The following SETD2 variants were observed in gnomAD, a reference collection of about 807,000 sequenced individuals.
The protein encoded by SETD2 is histone-lysine N-methyltransferase SETD2.
A neutral mutation model predicts 242.1 loss-of-function variants in SETD2; 31 were observed. That is an observed-to-expected ratio of 0.13 (90% confidence interval 0.10 to 0.17). The LOEUF is 0.17. SETD2 is among the 10% of genes least tolerant of loss of function. The pLI is 1.00. For missense variants in SETD2, 2,481 were observed against 3,046.3 expected (o/e 0.81, Z 4.37); for synonymous variants, 1,006 against 1,066.5 (o/e 0.94, Z 1.11).
chr3:47,066,118 C>T (rs1226808472), intron 13 of SETD2, among the ~76,000 whole-genome samples: 1 of 152,132 alleles, frequency 6.6e-6, no homozygotes, highest in East Asian at 1.9e-4. Flanking sequence ...AGGATGAAGA[C>T]CTCTATGATG....
intron 1 of SETD2, among the ~76,000 whole-genome samples, chr3:47,162,923 G>A (rs1697540653): frequency 6.6e-6 from 1 of 152,196 alleles, no homozygotes; most frequent in Admixed American, 6.5e-5. Context: ...GTCCTAGACT[G>A]AAAAATTACT....
chr3:47,094,073 TAAG>T (rs1189749812), intron 9 of SETD2, among the ~76,000 whole-genome samples: 1 of 152,108 alleles, frequency 6.6e-6, no homozygotes, highest in Non-Finnish European at 1.5e-5. Context: ...AGTTGAAAGT[TAAG>T]TATTTCTTCT....
intron 17 of SETD2, among the ~76,000 whole-genome samples, chr3:47,040,383 T>G (rs2039224670): frequency 6.6e-6 from 1 of 152,024 alleles, no homozygotes; most frequent in Non-Finnish European, 1.5e-5. Context: ...GAAACAAAAC[T>G]CTTGATAAAG....
intron 7 of SETD2, among the ~76,000 whole-genome samples, chr3:47,102,372 G>A (rs761932110): frequency 5.3e-5 from 8 of 152,182 alleles, no homozygotes; most frequent in Non-Finnish European, 1.2e-4. Context: ...GAAGAGCCAT[G>A]CATAAAATCT....
chr3:47,046,995 C>T (rs1253432610), intron 15 of SETD2: 2 of 156,340 alleles, frequency 1.3e-5, no homozygotes, highest in African/African-American at 4.8e-5. Context: ...ATCCAAGAAA[C>T]AATGCCACGC....
At chr3:47,021,543 G>C (rs1351006534) in intron 18 of SETD2, among the ~76,000 whole-genome samples, 1 of 152,098 alleles carries the variant, frequency 6.6e-6, no homozygotes, top group Non-Finnish European at 1.5e-5. Context: ...CTCTGTCTAG[G>C]AGCTTTCTTG....
At chr3:47,063,025 G>A (rs865807582) in intron 13 of SETD2, among the ~76,000 whole-genome samples, 2 of 152,158 alleles carry the variant, frequency 1.3e-5, no homozygotes, top group African/African-American at 4.8e-5. Flanking sequence ...ACTGGTTCCA[G>A]GAACCCCCTT....
At chr3:47,162,273 C>A (rs994109319) in intron 1 of SETD2, among the ~76,000 whole-genome samples, 3 of 151,990 alleles carry the variant, frequency 2.0e-5, no homozygotes, top group South Asian at 4.1e-4. Context: ...TTTATTGAAT[C>A]GTGATATAAA....
At position 47,067,164 on chromosome 3, in the gene SETD2, T is replaced by C. The variant is rs77252032; in HGVS notation, c.6061-46A>G. The C allele has an allele frequency of 0.03, 42,447 of 1,396,258 alleles. 2,130 individuals carry two copies. The highest frequency in any genetic ancestry group is 0.19 in the Admixed American group (11,211 of 59,298). The allele number at this position is 1,396,258 out of a possible 1,614,324, so 86.5% of individuals were successfully genotyped here. A position where few individuals can be genotyped will look rare whatever the true frequency, so the allele number is the denominator to read the frequency against. On this transcript the variant is annotated intron_variant, in intron 12 of 20. Transcript: ENST00000409792. The stretch of plus-strand genomic sequence containing the variant: ...GGAGGGTTATTAGTGAGGGTGGAAA[T>C]GGTGATTGCTTTGAAACTGACTGTT...
intron 6 of SETD2, among the ~76,000 whole-genome samples, chr3:47,103,740 G>GCA (rs914560607): frequency 2.1e-4 from 22 of 103,344 alleles, no homozygotes; most frequent in Non-Finnish European, 4.6e-4. Context: ...CAATGCACAC[G>GCA]CACGCACACA....
intron 8 of SETD2, among the ~76,000 whole-genome samples, chr3:47,100,261 CGTTT>C (rs2042158699): frequency 6.7e-6 from 1 of 148,826 alleles, no homozygotes; most frequent in Non-Finnish European, 1.5e-5. Context: ...GTTTTTTGTT[CGTTT>C]GCTTTTTATT....
intron 1 of SETD2, among the ~76,000 whole-genome samples, chr3:47,128,917 A>C (rs2043413213): frequency 1.3e-5 from 2 of 152,204 alleles, no homozygotes; most frequent in South Asian, 2.1e-4. Context: ...GTACCAGGAG[A>C]TGTCCAACCA....
At chr3:47,113,776 T>A (rs2107717525) in intron 5 of SETD2, 100 bp downstream of exon 5, 1 of 1,134,768 alleles carries the variant, frequency 8.8e-7, no homozygotes, top group Non-Finnish European at 1.2e-6. Context: ...GAGGTAGAGG[T>A]TCCAGTGAGC....
chr3:47,123,782 T>C lies in SETD2; in HGVS notation c.854A>G (p.His285Arg). 6.5e-7 allele frequency: 1 copy of C among 1,547,860 alleles called. No individual in the cohort carries two copies. The highest frequency in any genetic ancestry group is 8.7e-7 in the Non-Finnish European group (1 of 1,145,616). Residue 285 changes from histidine to arginine, a missense_variant, in exon 3 of 21, where the codon CAT becomes CGT. Coordinates refer to ENST00000409792, the MANE Select transcript of SETD2 (RefSeq NM_014159.7). The stretch of plus-strand genomic sequence containing the variant: ...TGGAATTTCTTCATCCTTCCCAATA[T>C]GGGAATCTTCTTTTTTTGAGGAAAT... ...ADISSKKEDS[H>R]IGKDEEIPDS...
chr3:47,073,445 G>A (rs1478500584), intron 12 of SETD2, among the ~76,000 whole-genome samples: 2 of 152,164 alleles, frequency 1.3e-5, no homozygotes, highest in African/African-American at 2.4e-5. Context: ...GAGTAGAGGG[G>A]AAGCGCAAGT....
intron 1 of SETD2, among the ~76,000 whole-genome samples, chr3:47,147,249 G>A (rs1429682865): frequency 1.3e-5 from 2 of 151,648 alleles, no homozygotes; most frequent in Non-Finnish European, 2.9e-5. Flanking sequence ...CTGACCTCAG[G>A]TGATCTGCCC....
chr3:47,128,593 AG>A (rs2043403805), intron 1 of SETD2, among the ~76,000 whole-genome samples: 2 of 152,098 alleles, frequency 1.3e-5, no homozygotes. Flanking sequence ...TGACAGGGGG[AG>A]AGGGGGCAGT....
At chr3:47,025,046 C>T (rs537918665) in intron 18 of SETD2, among the ~76,000 whole-genome samples, 2 of 152,330 alleles carry the variant, frequency 1.3e-5, no homozygotes, top group African/African-American at 4.8e-5. Context: ...TATGCCTTCC[C>T]TATGTCACTC....
intron 7 of SETD2, 65 bp from the exon 8 acceptor site, chr3:47,101,620 G>A: frequency 1.2e-6 from 1 of 836,490 alleles, no homozygotes; most frequent in South Asian, 1.5e-5. Context: ...GTGTGTGTGT[G>A]TGTGTGTGTG....
Sources: gnomAD v4.1 joint callset for allele counts (sites outside exome capture counted in the v4.1 genomes callset) on GRCh38, gnomAD v4.1.1 for gene constraint, MANE v1.5 for transcripts, NCBI Gene and HGNC (gene_info 2026-07-23, HGNC 2026-07-21) for gene names.